HDAC6: variants seen among roughly 807,000 people sequenced by gnomAD.
The protein encoded by HDAC6 is histone deacetylase 6, also known as protein deacetylase HDAC6.
A neutral mutation model predicts 88.9 loss-of-function variants in HDAC6; 5 were observed. The ratio of observed to expected loss-of-function variants is 0.06; its 90% CI spans 0.03 to 0.12. HDAC6 has a LOEUF of 0.12. Ranked by LOEUF, HDAC6 falls within the 10% of genes least tolerant of loss-of-function variation. The probability of loss-of-function intolerance (pLI) is 1.00; values close to 1 mark genes in which losing one functional copy is unlikely to be tolerated. For synonymous variants in HDAC6, 378 were observed against 398.0 expected (o/e 0.95, Z 0.60); for missense variants, 706 against 1,014.4 (o/e 0.70, Z 4.13).
intron 10 of HDAC6, among the ~76,000 whole-genome samples, chrX:48,812,893 A>G (rs1460157741): frequency 6.3e-5 from 7 of 110,582 alleles, no homozygotes; most frequent in South Asian, 7.6e-4. Context: ...GTCTTCCCCA[A>G]TGATATTTTT....
rs782166983 is a variant in HDAC6, at chrX:48,815,820, A to T, written c.1325-64A>T. 1.2e-4 allele frequency: 136 copies of T among 1,143,779 alleles called. No individual in the cohort carries two copies. The South Asian group carries it at 2.1e-3, about 17-fold the overall frequency. 94.3% of individuals were successfully genotyped at this position (1,143,779 alleles called of 1,213,427 possible). A position where few individuals can be genotyped will look rare whatever the true frequency, so the allele number is the denominator to read the frequency against. On this transcript the variant is annotated intron_variant, in intron 16 of 28. Transcript: ENST00000334136. ...CCCCTTTTTCTGTTTGGGTCACCTGAGTTCCAGAGTATGACGGGGATTCAG... is the reference window on the plus strand; with the variant it reads ...CCCCTTTTTCTGTTTGGGTCACCTGTGTTCCAGAGTATGACGGGGATTCAG...
chrX:48,821,738 C>T (rs1351419239), intron 23 of HDAC6, among the ~76,000 whole-genome samples: 2 of 110,978 alleles, frequency 1.8e-5, no homozygotes, highest in Non-Finnish European at 3.8e-5. Flanking sequence ...AAACTCCTGA[C>T]CTCAGGTAAC....
At chrX:48,810,763 C>T (rs1557025724) in intron 10 of HDAC6, 1 of 110,435 alleles carries the variant, frequency 9.1e-6, no homozygotes, top group Admixed American at 9.7e-5. Context: ...TGCACACCAG[C>T]ATACCCAGCT....
At chrX:48,819,927 T>G in intron 22 of HDAC6, 179 bp from the exon 23 acceptor site, 3 of 522,426 alleles carry the variant, frequency 5.7e-6, no homozygotes, top group Non-Finnish European at 1.0e-5. Context: ...TCTTCCCTTC[T>G]TCATTTTCAG....
In HDAC6 at chrX:48,823,422, C is replaced by T. The variant is rs782251487; in HGVS notation, c.3023C>T (p.Thr1008Met). The change falls in exon 25 of 29, where the codon ACG (threonine) becomes ATG (methionine). Residue 1008 changes from threonine (T) to methionine (M), a missense_variant. Thr to Met is a moderately conservative substitution (Grantham distance 81). Around this residue, in one of 9 missense-constraint regions of HDAC6, gnomAD observed 13 missense variants for 33.4 expected, o/e 0.39. Transcript: ENST00000334136. The stretch of plus-strand genomic sequence containing the variant: ...GAGGGAGCCACACTGGACCAGACTA[C>T]GTCAGAGGAGGCTCCAGGGGGCACC... ...AMEGATLDQTTSEEAPGGTEL... is the reference protein window; with the variant it reads ...AMEGATLDQTMSEEAPGGTEL... 1.2e-5 allele frequency: 14 copies of T among 1,209,164 alleles called. No homozygotes were observed. Among genetic ancestry groups the T allele is most frequent in the South Asian group, 7.1e-5 (4 of 56,602 alleles).
intron 28 of HDAC6, 62 bp from the exon 29 acceptor site, chrX:48,824,482 T>C: frequency 9.0e-7 from 1 of 1,109,586 alleles, no homozygotes; most frequent in Non-Finnish European, 1.2e-6. Flanking sequence ...GGGGCAGCCC[T>C]GCAGCCGAGG....
At position 48,806,595 on chromosome X, in the gene HDAC6, C is replaced by T; in HGVS notation, c.535-14C>T. 1.7e-6 allele frequency: 2 copies of T among 1,171,265 alleles called. No homozygotes were observed. Among genetic ancestry groups the T allele is most frequent in the Non-Finnish European group, 2.3e-6 (2 of 859,266 alleles). On this transcript the variant is annotated splice_polypyrimidine_tract_variant and intron_variant, in intron 7 of 28. Coordinates refer to ENST00000334136, the MANE Select transcript of HDAC6 (RefSeq NM_006044.4). ...CTCCCTTACTCCCTTTCTGGCTCCCCACTGTCTCTCCAGAACTCATACTCC... is the reference window on the plus strand; with the variant it reads ...CTCCCTTACTCCCTTTCTGGCTCCCTACTGTCTCTCCAGAACTCATACTCC...
In HDAC6 at chrX:48,818,343, C is replaced by T. The variant is rs781881555; in HGVS notation, c.2118C>T (p.Asn706=). 6.6e-6 allele frequency: 8 copies of T among 1,203,166 alleles called. No homozygotes were observed. The highest frequency in any genetic ancestry group is 3.6e-5 in the South Asian group (2 of 55,034). ...GCTTCACCGTCAACGTGGCATGGAA[C>T]GGGCCCCGCATGGGTGATGCTGACT... The part of the protein sequence containing the change: ...GTGFTVNVAW[N]GPRMGDADYL... Residue 706 remains asparagine (N), a synonymous_variant, in exon 22 of 29, where the codon AAC becomes AAT. Transcript: ENST00000334136.
At chrX:48,801,879 C>T (rs1297954912), upstream of HDAC6, 1 of 972,278 alleles carries the variant, frequency 1.0e-6, no homozygotes, top group Non-Finnish European at 1.3e-6. Context: ...CACAGGTCGC[C>T]AGAAACTTGG....
In HDAC6 at chrX:48,817,467, C is replaced by T; in HGVS notation, c.1925+8C>T. 8.3e-7 allele frequency: 1 copy of T among 1,204,593 alleles called. No individual in the cohort carries two copies. The highest frequency in any genetic ancestry group is 1.1e-6 in the Non-Finnish European group (1 of 892,117). On this transcript the variant is annotated splice_region_variant and intron_variant, in intron 20 of 28. Coordinates refer to ENST00000334136, the MANE Select transcript of HDAC6 (RefSeq NM_006044.4). Reference sequence around the variant, plus strand: ...CAGTGGGCATGCCCTACGGTAAGGACTCCCTGGGGACCCCCCAAATCCTGA... The same window carrying T: ...CAGTGGGCATGCCCTACGGTAAGGATTCCCTGGGGACCCCCCAAATCCTGA...
At chrX:48,801,815 G>C (rs2147317712), upstream of HDAC6, 1 of 961,834 alleles carries the variant, frequency 1.0e-6, no homozygotes, top group Admixed American at 3.0e-5. Flanking sequence ...GATCTGGGCG[G>C]GCAGTCGAGA....
intron 1 of HDAC6, 87 bp downstream of exon 1, chrX:48,802,229 T>C: frequency 1.2e-6 from 1 of 850,856 alleles, no homozygotes; most frequent in Non-Finnish European, 1.4e-6. Context: ...GCCGGCTGAG[T>C]GAAAGGGTGG....
At chrX:48,803,334 G>A in intron 4 of HDAC6, 118 bp downstream of exon 4, 1 of 563,199 alleles carries the variant, frequency 1.8e-6, no homozygotes, top group Non-Finnish European at 2.9e-6. Flanking sequence ...ATGATTTGGG[G>A]AGGTAGGGCT....
chrX:48,818,071 C>T lies in HDAC6; in HGVS notation c.1956C>T (p.His652=), dbSNP rs368341039. 67 of 1,198,238 alleles carry T rather than the reference C, an allele frequency of 5.6e-5. No individual in the cohort carries two copies. The highest frequency in any genetic ancestry group is 5.9e-4 in the Middle Eastern group (2 of 3,411). The change falls in exon 21 of 29, where the codon CAC becomes CAT. Residue 652 remains histidine (H), a synonymous_variant. Transcript: ENST00000334136. ...TGATTGTGGATTGGGATGTCCACCA[C>T]GGTAATGGAACTCAGCACATGTTTG... The part of the protein sequence containing the change: ...RILIVDWDVH[H]GNGTQHMFED...
chrX:48,816,317 A>C (rs964482649), intron 18 of HDAC6, 48 bp downstream of exon 18: 2 of 1,173,166 alleles, frequency 1.7e-6, no homozygotes, highest in African/African-American at 3.5e-5. Context: ...ACTGTGGATG[A>C]GGTCTCAGGG....
At position 48,822,684 on chromosome X, in the gene HDAC6, A is replaced by T; in HGVS notation, c.2402A>T (p.Asp801Val). ...MAACTRSLLGDPPPLLTLPRP... is the reference protein window; with the variant it reads ...MAACTRSLLGVPPPLLTLPRP... ...GCCTGCACTCGCTCCCTCCTTGGAG[A>T]CCCACCACCCCTGCTGACCCTGCCA... The change falls in exon 24 of 29, where the codon GAC becomes GTC. Residue 801 changes from aspartate to valine, a missense_variant. Transcript: ENST00000334136. The T allele has an allele frequency of 8.3e-7, 1 of 1,207,837 alleles. No individual in the cohort carries two copies. Among genetic ancestry groups the T allele is most frequent in the Non-Finnish European group, 1.1e-6 (1 of 893,041 alleles).
Position 48,823,594 on chromosome X carries a change from G to A in HDAC6, c.3189+6G>A, listed in dbSNP as rs1557031160. The A allele has an allele frequency of 8.3e-7, 1 of 1,204,508 alleles. No homozygotes were observed. Among genetic ancestry groups the A allele is most frequent in the Non-Finnish European group, 1.1e-6 (1 of 890,537 alleles). On this transcript the variant is annotated splice_donor_region_variant and intron_variant, in intron 25 of 28. Coordinates refer to ENST00000334136, the MANE Select transcript of HDAC6 (RefSeq NM_006044.4). ...AGCTAGGCAGCGAATCTCAGGTAAG[G>A]CTCACCACACCCAGGTAGGGGCAAG...
At chrX:48,802,447 G>T in intron 1 of HDAC6, 9 of 1,002,470 alleles carry the variant, frequency 9.0e-6, no homozygotes, top group Non-Finnish European at 1.2e-5. Flanking sequence ...GTGTAAAAGG[G>T]GTGGAGTCTA....
At chrX:48,811,799 T>C (rs2062906614) in intron 10 of HDAC6, among the ~76,000 whole-genome samples, 1 of 112,300 alleles carries the variant, frequency 8.9e-6, no homozygotes, top group Admixed American at 9.5e-5. Flanking sequence ...TGGTTTTATC[T>C]TTATTAATGT....
Sources: allele counts gnomAD v4.1 joint callset (sites outside exome capture counted in the v4.1 genomes callset), GRCh38; gene constraint gnomAD v4.1.1; regional missense constraint gnomAD v4.1.1; transcripts MANE v1.5; gene names NCBI Gene and HGNC (gene_info 2026-07-23, HGNC 2026-07-21).